Variants in DMD observed in about 807,000 individuals in gnomAD.
DMD encodes mutant dystrophin.
DMD carries 63 observed loss-of-function variants against 330.1 expected under a neutral mutation model. The ratio of observed to expected loss-of-function variants is 0.19; its 90% CI spans 0.16 to 0.24. The LOEUF is 0.24. Among genes scored for constraint, DMD ranks in the 10% least tolerant of loss-of-function variants. The probability of loss-of-function intolerance (pLI) is 1.00; values close to 1 mark genes in which losing one functional copy is unlikely to be tolerated. For missense variants in DMD, 3,344 were observed against 2,684.1 expected (o/e 1.25, Z -5.43); for synonymous variants, 1,223 against 959.8 (o/e 1.27, Z -5.07).
intron 13 of DMD, among the ~76,000 whole-genome samples, chrX:32,589,531 C>T (rs929272330): frequency 9.1e-6 from 1 of 110,282 alleles, no homozygotes; most frequent in African/African-American, 3.3e-5. Context: ...ACTATATACA[C>T]ATTTATACAT....
At chrX:31,556,893 A>G (rs1384994762) in intron 55 of DMD, among the ~76,000 whole-genome samples, 3 of 111,443 alleles carry the variant, frequency 2.7e-5, no homozygotes, top group Non-Finnish European at 5.7e-5. Flanking sequence ...ATAAAATTAA[A>G]TATGCAATTT....
intron 44 of DMD, among the ~76,000 whole-genome samples, chrX:32,018,353 C>T (rs1282072164): frequency 1.8e-5 from 2 of 111,229 alleles, no homozygotes; most frequent in Non-Finnish European, 3.8e-5. Context: ...CTCTTTTGTC[C>T]CTCAACATGG....
intron 44 of DMD, among the ~76,000 whole-genome samples, chrX:32,004,151 G>A (rs150785736): frequency 0.015 from 1,631 of 111,323 alleles, 32 homozygotes; most frequent in African/African-American, 0.049. Context: ...CACACACCTA[G>A]TTTTTGGCAG....
At chrX:32,402,042 A>C (rs988187946) in intron 30 of DMD, among the ~76,000 whole-genome samples, 2 of 112,141 alleles carry the variant, frequency 1.8e-5, no homozygotes, top group Non-Finnish European at 3.8e-5. Context: ...TCTGAGTTAA[A>C]ATATCAGCTT....
chrX:31,170,206 G>GA (rs1049520423), intron 73 of DMD, among the ~76,000 whole-genome samples: 65 of 111,568 alleles, frequency 5.8e-4, no homozygotes, highest in Non-Finnish European at 1.1e-3. Context: ...AAATTAAGGG[G>GA]AAAAAAGACA....
At chrX:31,860,250 T>C (rs2952922) in intron 48 of DMD, among the ~76,000 whole-genome samples, 48,217 of 111,383 alleles carry the variant, frequency 0.43, 8,132 homozygotes, top group African/African-American at 0.6. Context: ...TTCAAGAAAG[T>C]ATAAACATAT....
chrX:31,704,086 T>C (rs1349678858), intron 52 of DMD, among the ~76,000 whole-genome samples: 1 of 112,087 alleles, frequency 8.9e-6, no homozygotes, highest in African/African-American at 3.2e-5. Flanking sequence ...CTTTCCTCGT[T>C]CCAATAATCC....
At chrX:31,276,538 G>A (rs1344432217) in intron 62 of DMD, among the ~76,000 whole-genome samples, 1 of 112,130 alleles carries the variant, frequency 8.9e-6, no homozygotes. Context: ...CTGTTTGGAA[G>A]AATGTACAGA....
At chrX:32,754,485 C>A (rs1281937376) in intron 7 of DMD, among the ~76,000 whole-genome samples, 2 of 109,879 alleles carry the variant, frequency 1.8e-5, no homozygotes, top group African/African-American at 6.6e-5. Context: ...TCACTTATCA[C>A]CATCTTATCC....
At chrX:31,277,549 A>G (rs2052244088) in intron 62 of DMD, among the ~76,000 whole-genome samples, 1 of 111,654 alleles carries the variant, frequency 9.0e-6, no homozygotes, top group Non-Finnish European at 1.9e-5. Flanking sequence ...CATGGGATCT[A>G]AGGTGGGAGA....
intron 1 of DMD, among the ~76,000 whole-genome samples, chrX:33,263,708 A>C (rs2052997416): frequency 9.1e-6 from 1 of 109,440 alleles, no homozygotes. Context: ...GAATGTCATC[A>C]GTCTCTCTAA....
intron 2 of DMD, among the ~76,000 whole-genome samples, chrX:32,993,829 G>T (rs891547916): frequency 1.4e-4 from 15 of 110,480 alleles, no homozygotes; most frequent in Non-Finnish European, 2.8e-4. Context: ...AAGGTTCATA[G>T]CTGAGACCCC....
At chrX:32,328,276 CCAAAA>C (rs968594494) in intron 41 of DMD, among the ~76,000 whole-genome samples, 2 of 111,307 alleles carry the variant, frequency 1.8e-5, no homozygotes, top group African/African-American at 3.3e-5. Flanking sequence ...CTTTATATCA[CCAAAA>C]CAAACAAAAA....
intron 48 of DMD, among the ~76,000 whole-genome samples, chrX:31,873,753 G>GA (rs1209541820): frequency 8.9e-6 from 1 of 111,831 alleles, no homozygotes; most frequent in Non-Finnish European, 1.9e-5. Context: ...TTGAAAGGGA[G>GA]AAAAGAAGAT....
chrX:31,571,972 T>C (rs1001073358), intron 55 of DMD, among the ~76,000 whole-genome samples: 1 of 111,233 alleles, frequency 9.0e-6, no homozygotes, highest in African/African-American at 3.3e-5. Flanking sequence ...CTAAAAATTA[T>C]TTTCTTTTAA....
intron 9 of DMD, among the ~76,000 whole-genome samples, chrX:32,654,703 T>C (rs905140213): frequency 8.9e-6 from 1 of 111,932 alleles, no homozygotes; most frequent in African/African-American, 3.3e-5. Flanking sequence ...TTTCTATTCA[T>C]TGGAATAGTT....
At chrX:32,104,449 C>T (rs1458903628) in intron 44 of DMD, among the ~76,000 whole-genome samples, 1 of 110,995 alleles carries the variant, frequency 9.0e-6, no homozygotes, top group Non-Finnish European at 1.9e-5. Context: ...TTGCCTGTGT[C>T]CTCTAATGCT....
intron 11 of DMD, among the ~76,000 whole-genome samples, chrX:32,628,504 T>A (rs5928052): frequency 9.2e-6 from 1 of 108,325 alleles, no homozygotes; most frequent in Admixed American, 1.0e-4. Flanking sequence ...CATTTTGTTG[T>A]ACTTTAATGT....
intron 34 of DMD, among the ~76,000 whole-genome samples, chrX:32,371,859 T>C (rs1335768510): frequency 9.0e-6 from 1 of 111,706 alleles, no homozygotes; most frequent in Middle Eastern, 4.2e-3. Flanking sequence ...AGGTGATAGA[T>C]ACACACGGGT....
Sources: gnomAD v4.1 joint callset for allele counts (sites outside exome capture counted in the v4.1 genomes callset) on GRCh38, gnomAD v4.1.1 for gene constraint, MANE v1.5 for transcripts, NCBI Gene and HGNC (gene_info 2026-07-23, HGNC 2026-07-21) for gene names.